Variants in DIAPH3 observed in about 807,000 individuals in gnomAD.
DIAPH3 encodes protein diaphanous homolog 3.
DIAPH3 carries 117 observed loss-of-function variants against 144.3 expected under a neutral mutation model. That is an observed-to-expected ratio of 0.81 (90% CI 0.70 to 0.95). DIAPH3 has a LOEUF of 0.95. Among genes scored for constraint, DIAPH3 ranks in the 40% least tolerant of loss-of-function variants. The probability of loss-of-function intolerance (pLI) is 0.00; values close to 1 mark genes in which losing one functional copy is unlikely to be tolerated. For missense variants in DIAPH3, 1,421 were observed against 1,412.7 expected, an observed-to-expected ratio of 1.01 and a Z score of -0.09; for synonymous variants, 519 against 488.9, an observed-to-expected ratio of 1.06 and a Z score of -0.81.
chr13:60,047,375 G>A (rs1404362505), intron 4 of DIAPH3, among the ~76,000 whole-genome samples: 4 of 151,990 alleles, frequency 2.6e-5, no homozygotes, highest in Non-Finnish European at 4.4e-5. Flanking sequence ...AAATAAAGGA[G>A]ACCTAAAATA....
At chr13:60,017,339 G>A (rs1387626834) in intron 5 of DIAPH3, among the ~76,000 whole-genome samples, 1 of 151,634 alleles carries the variant, frequency 6.6e-6, no homozygotes, top group East Asian at 1.9e-4. Flanking sequence ...AGGAGGCAGA[G>A]GTTGCAGTGA....
intron 2 of DIAPH3, among the ~76,000 whole-genome samples, chr13:60,131,432 T>C (rs1366994140): frequency 3.8e-5 from 4 of 104,736 alleles, no homozygotes; most frequent in Non-Finnish European, 7.0e-5. Context: ...CGAGACCCTG[T>C]CTCAAAAAAA....
chr13:59,984,225 C>T (rs948121083), intron 12 of DIAPH3, among the ~76,000 whole-genome samples: 12 of 151,574 alleles, frequency 7.9e-5, no homozygotes, highest in African/African-American at 2.9e-4. Flanking sequence ...TTCCACTGTA[C>T]CACACTGAAA....
intron 27 of DIAPH3, among the ~76,000 whole-genome samples, chr13:59,761,251 A>G (rs1167715172): frequency 6.6e-6 from 1 of 152,172 alleles, no homozygotes; most frequent in Non-Finnish European, 1.5e-5. Context: ...CCTGGCTTTC[A>G]TGAGATCAGT....
Position 59,810,870 on chromosome 13 carries a change from A to G in DIAPH3, c.3081T>C (p.Arg1027=), listed in dbSNP as rs1271175435. The G allele has an allele frequency of 1.2e-6, 2 of 1,612,912 alleles. No homozygotes were observed. The highest frequency in any genetic ancestry group is 1.3e-5 in the African/African-American group (1 of 74,936). Residue 1027 remains arginine, a synonymous_variant, in exon 25 of 28, where the codon CGT becomes CGC. Transcript: ENST00000400324. ...CTGCTAATTCTTTAGCTATTCTGACACGTTTTTCTTTTTCCTCTGCTTCTC... is the reference window on the plus strand; with the variant it reads ...CTGCTAATTCTTTAGCTATTCTGACGCGTTTTTCTTTTTCCTCTGCTTCTC... ...KKREAEEKEK[R]VRIAKELAER...
chr13:60,114,232 A>T (rs1353994726), intron 2 of DIAPH3, among the ~76,000 whole-genome samples: 2 of 151,752 alleles, frequency 1.3e-5, no homozygotes, highest in African/African-American at 4.8e-5. Flanking sequence ...TGGACATTAC[A>T]CATGAGATGA....
At chr13:60,088,778 C>T (rs1463676949) in intron 4 of DIAPH3, among the ~76,000 whole-genome samples, 1 of 152,052 alleles carries the variant, frequency 6.6e-6, no homozygotes, top group Non-Finnish European at 1.5e-5. Flanking sequence ...TGTGCCACTA[C>T]ACCCAGCTAA....
intron 17 of DIAPH3, among the ~76,000 whole-genome samples, chr13:59,959,036 C>G (rs2049585082): frequency 1.3e-5 from 2 of 152,052 alleles, no homozygotes; most frequent in South Asian, 4.2e-4. Flanking sequence ...CCATCATACC[C>G]TGCTAATTTT....
intron 21 of DIAPH3, among the ~76,000 whole-genome samples, chr13:59,867,899 T>C (rs1355345847): frequency 6.6e-6 from 1 of 152,026 alleles, no homozygotes; most frequent in Non-Finnish European, 1.5e-5. Context: ...GGAACAAATA[T>C]GATTAGAATA....
chr13:59,866,758 A>C lies in DIAPH3; in HGVS notation c.2608-5222T>G, dbSNP rs576834677. ...TACCACTATATTTTAATAGCATCAT[A>C]TCCCATCTCAAATCTTTTGCAGAAT... On this transcript the variant is annotated intron_variant, in intron 21 of 27. Transcript: ENST00000400324. Among the ~76,000 whole-genome samples, 7 of 152,246 alleles carry C rather than the reference A, an allele frequency of 4.6e-5. No homozygotes were observed. In the South Asian group the frequency reaches 1.4e-3, roughly 32 times the overall value.
At chr13:59,927,203 T>G (rs1432702214) in intron 17 of DIAPH3, among the ~76,000 whole-genome samples, 5 of 152,170 alleles carry the variant, frequency 3.3e-5, no homozygotes, top group African/African-American at 7.2e-5. Context: ...TTTCAGTCAC[T>G]GTTTATCTTT....
rs765809400 is a variant in DIAPH3 at position 59,774,758 on chromosome 13, C to T, written c.3229G>A (p.Asp1077Asn). The T allele has an allele frequency of 2.0e-5, 32 of 1,614,010 alleles. No homozygotes were observed. In the East Asian group the frequency reaches 2.2e-4, roughly 11 times the overall value. ...GGCATCGGTGTCCTTTTTCTTCTGT[C>T]GCGGAAGGCAGCCCCGGACTGCAAG... ...EALQSGAAFR[D>N]RRKRTPMPKD... The change falls in exon 26 of 28, where the codon GAC (aspartate) becomes AAC (asparagine). Residue 1077 changes from aspartate to asparagine, a missense_variant. Coordinates refer to ENST00000400324, the MANE Select transcript of DIAPH3 (RefSeq NM_001042517.2).
rs1243112392 is a variant in DIAPH3 at position 59,971,041 on chromosome 13, T to C, written c.1770A>G (p.Pro590=). 6.2e-7 allele frequency: 1 copy of C among 1,611,450 alleles called. No individual in the cohort carries two copies. The highest frequency in any genetic ancestry group is 1.1e-5 in the South Asian group (1 of 90,972). ...GTGGAGGAGGTGGTGGGGGAGGAGG[T>C]GGAGGCGGCACCCCTCCACCAGAAG... ...PLPSGGGVPP[P]PPPPPPPPLP... The change falls in exon 16 of 28, where the codon CCA becomes CCG. Residue 590 remains proline, a synonymous_variant. Coordinates refer to ENST00000400324, the MANE Select transcript of DIAPH3 (RefSeq NM_001042517.2).
chr13:59,884,687 A>T (rs1210533676), intron 20 of DIAPH3, among the ~76,000 whole-genome samples: 2 of 152,114 alleles, frequency 1.3e-5, no homozygotes, highest in Non-Finnish European at 2.9e-5. Context: ...CTAATGATAT[A>T]AAAAATATCT....
At chr13:59,945,661 T>C (rs949257910) in intron 17 of DIAPH3, among the ~76,000 whole-genome samples, 10 of 149,678 alleles carry the variant, frequency 6.7e-5, no homozygotes, top group African/African-American at 2.4e-4. Context: ...ACTTAAGCAC[T>C]TAATACAATA....
intron 22 of DIAPH3, among the ~76,000 whole-genome samples, chr13:59,846,980 G>A (rs1192510064): frequency 1.3e-5 from 2 of 152,166 alleles, no homozygotes; most frequent in African/African-American, 4.8e-5. Flanking sequence ...CCAGGAGGCT[G>A]AGGCAGGAAG....
At chr13:59,761,270 C>T (rs145591362) in intron 27 of DIAPH3, among the ~76,000 whole-genome samples, 6 of 152,172 alleles carry the variant, frequency 3.9e-5, no homozygotes, top group East Asian at 1.9e-4. Context: ...GTGTAATACA[C>T]GAAAAGTCAC....
intron 20 of DIAPH3, among the ~76,000 whole-genome samples, chr13:59,882,211 CTT>C (rs1366579880): frequency 6.6e-6 from 1 of 152,160 alleles, no homozygotes; most frequent in East Asian, 1.9e-4. Context: ...GCCTCGGCCT[CTT>C]GAGTGGCTGG....
intron 24 of DIAPH3, among the ~76,000 whole-genome samples, chr13:59,813,345 T>C (rs1401211452): frequency 6.6e-6 from 1 of 151,992 alleles, no homozygotes; most frequent in South Asian, 2.1e-4. Flanking sequence ...CAATACTAGA[T>C]ACTTTAATGT....
Sources: gnomAD v4.1 joint callset for allele counts (sites outside exome capture counted in the v4.1 genomes callset) on GRCh38, gnomAD v4.1.1 for gene constraint, MANE v1.5 for transcripts, NCBI Gene and HGNC (gene_info 2026-07-23, HGNC 2026-07-21) for gene names.